Variants in BCL2 observed in about 807,000 individuals in gnomAD.
BCL2 encodes BCL2 apoptosis regulator.
In BCL2, 1 loss-of-function variant was observed where a neutral mutation model predicts 14.2. The ratio of observed to expected loss-of-function variants is 0.07; its 90% CI spans 0.02 to 0.33. The LOEUF is 0.33. BCL2 is among the 10% of genes least tolerant of loss of function. BCL2 has a pLI of 0.99. For synonymous variants in BCL2, 151 were observed against 137.2 expected (o/e 1.10, Z -0.70); for missense variants, 247 against 305.9 (o/e 0.81, Z 1.44).
At chr18:63,191,870 T>C (rs1173679394) in intron 2 of BCL2, among the ~76,000 whole-genome samples, 1 of 152,248 alleles carries the variant, frequency 6.6e-6, no homozygotes, top group Non-Finnish European at 1.5e-5. Context: ...GGCTGAAATA[T>C]GAAATTAAAA....
intron 2 of BCL2, among the ~76,000 whole-genome samples, chr18:63,292,406 T>C (rs1490553937): frequency 3.3e-5 from 5 of 152,120 alleles, no homozygotes; most frequent in South Asian, 4.1e-4. Flanking sequence ...TATGAAAGAA[T>C]GGCAATCTAA....
intron 2 of BCL2, among the ~76,000 whole-genome samples, chr18:63,247,182 C>T (rs1911173073): frequency 6.6e-6 from 1 of 150,840 alleles, no homozygotes; most frequent in Non-Finnish European, 1.5e-5. Context: ...ATTTTCTCAT[C>T]TTTGAAGATG....
chr18:63,293,209 A>G (rs1912703287), intron 2 of BCL2, among the ~76,000 whole-genome samples: 1 of 152,236 alleles, frequency 6.6e-6, no homozygotes, highest in African/African-American at 2.4e-5. Context: ...ATATGAAACC[A>G]AAATACTCCT....
At chr18:63,311,576 C>A (rs1259288555) in intron 2 of BCL2, among the ~76,000 whole-genome samples, 1 of 152,112 alleles carries the variant, frequency 6.6e-6, no homozygotes, top group Non-Finnish European at 1.5e-5. Flanking sequence ...TGGAGTCAGT[C>A]ATCAGTTTCT....
At position 63,186,666 on chromosome 18, in the gene BCL2, C is replaced by T. The variant is rs201755766; in HGVS notation, c.586-57907G>A. Among the ~76,000 whole-genome samples the T allele has an allele frequency of 4.6e-5, 7 of 152,284 alleles. No individual in the cohort carries two copies. The East Asian group carries it at 1.2e-3, about 25-fold the overall frequency. ...CGTGAATTTCCAAATTTGGTCTTCA[C>T]CTTTTCAGTTTTCATAGGCAAAAAA... is the stretch of plus-strand genomic sequence containing the variant. On this transcript the variant is annotated intron_variant, in intron 2 of 2. Transcript: ENST00000333681.
At chr18:63,215,102 T>C (rs72943076) in intron 2 of BCL2, among the ~76,000 whole-genome samples, 173 of 152,304 alleles carry the variant, frequency 1.1e-3, no homozygotes, top group Non-Finnish European at 2.3e-3. Context: ...ATATATATTA[T>C]TGTGATGGTC....
chr18:63,232,445 AC>A (rs574507501), intron 2 of BCL2, among the ~76,000 whole-genome samples: 51 of 152,268 alleles, frequency 3.3e-4, no homozygotes, highest in Middle Eastern at 6.8e-3. Flanking sequence ...GGAAAAAACA[AC>A]CCACTACAAA....
intron 2 of BCL2, among the ~76,000 whole-genome samples, chr18:63,185,892 T>G (rs999692334): frequency 6.6e-6 from 1 of 152,206 alleles, no homozygotes; most frequent in Admixed American, 6.5e-5. Flanking sequence ...CTTTTTCCAT[T>G]ACATATGCCA....
chr18:63,249,016 C>A (rs964957226), intron 2 of BCL2, among the ~76,000 whole-genome samples: 2 of 152,198 alleles, frequency 1.3e-5, no homozygotes, highest in Non-Finnish European at 2.9e-5. Flanking sequence ...AGAAATGCTT[C>A]CTACTATGAC....
intron 2 of BCL2, among the ~76,000 whole-genome samples, chr18:63,259,877 C>T (rs1018368402): frequency 1.1e-4 from 16 of 152,262 alleles, no homozygotes; most frequent in Admixed American, 1.0e-3. Context: ...GACCCTCATA[C>T]AGAAGAGAGT....
At chr18:63,227,981 A>T (rs1910593867) in intron 2 of BCL2, among the ~76,000 whole-genome samples, 1 of 152,202 alleles carries the variant, frequency 6.6e-6, no homozygotes, top group Admixed American at 6.5e-5. Context: ...GTAAGTCCAA[A>T]ATCAAGGTGC....
chr18:63,211,999 C>T (rs1445507562), intron 2 of BCL2, among the ~76,000 whole-genome samples: 1 of 152,224 alleles, frequency 6.6e-6, no homozygotes, highest in Non-Finnish European at 1.5e-5. Flanking sequence ...TAGCATATGA[C>T]ATTTTTAGTT....
At chr18:63,222,236 T>C (rs181586458) in intron 2 of BCL2, among the ~76,000 whole-genome samples, 1,385 of 135,982 alleles carry the variant, frequency 0.01, 13 homozygotes, top group Middle Eastern at 0.025. Flanking sequence ...ATCGCACCAC[T>C]GCACTCCAGC....
Position 63,294,100 on chromosome 18 carries a change from T to C in BCL2, c.585+23982A>G, listed in dbSNP as rs144908087. ...TTGTGATCACAGAGAATGCAATTAA[T>C]ACTTTGGCTGCCTTGGTATGTAGAC... On this transcript the variant is annotated intron_variant, in intron 2 of 2. Coordinates refer to ENST00000333681, the MANE Select transcript of BCL2 (RefSeq NM_000633.3). 2.0e-5 allele frequency among the ~76,000 whole-genome samples: 3 copies of C among 152,324 alleles called. No homozygotes were observed. The East Asian group carries it at 5.8e-4, about 29-fold the overall frequency.
intron 2 of BCL2, among the ~76,000 whole-genome samples, chr18:63,143,233 G>A (rs1443231343): frequency 1.3e-5 from 2 of 152,210 alleles, no homozygotes; most frequent in African/African-American, 4.8e-5. Flanking sequence ...GACCCAGAAA[G>A]ACAAAGAGAA....
intron 2 of BCL2, chr18:63,317,734 G>C (rs918699556): frequency 2.7e-6 from 3 of 1,130,174 alleles, no homozygotes; most frequent in Non-Finnish European, 3.3e-6. Flanking sequence ...GTTCCAACAA[G>C]CTGCTCAAGC....
chr18:63,125,203 A>AT lies in BCL2; in HGVS notation c.*3421_*3422insA, dbSNP rs1213375034. On this transcript the variant is annotated 3_prime_UTR_variant, in exon 3 of 3. Transcript: ENST00000333681. ...TACTAATAAAACAAAGATCACATAT[A>AT]AATGGAAGGCCACATCTGAACACAG... 1.8e-5 allele frequency: 4 copies of AT among 224,452 alleles called. No individual in the cohort carries two copies. Among genetic ancestry groups the AT allele is most frequent in the Non-Finnish European group, 3.6e-5 (4 of 112,576 alleles). 13.9% of individuals were successfully genotyped at this position (224,452 alleles called of 1,614,324 possible). A position where few individuals can be genotyped will look rare whatever the true frequency, so the allele number is the denominator to read the frequency against.
intron 2 of BCL2, among the ~76,000 whole-genome samples, chr18:63,209,212 G>A (rs1379931323): frequency 2.0e-5 from 3 of 152,164 alleles, no homozygotes; most frequent in African/African-American, 4.8e-5. Context: ...TCGGTAAATT[G>A]GTGCAAGTGT....
intron 2 of BCL2, among the ~76,000 whole-genome samples, chr18:63,305,365 C>T (rs1357071446): frequency 6.6e-6 from 1 of 152,150 alleles, no homozygotes; most frequent in Non-Finnish European, 1.5e-5. Context: ...GATTCCCAAC[C>T]CAGGGAATGA....
Sources: gnomAD v4.1 joint callset for allele counts (sites outside exome capture counted in the v4.1 genomes callset) on GRCh38, gnomAD v4.1.1 for gene constraint, MANE v1.5 for transcripts, NCBI Gene and HGNC (gene_info 2026-07-23, HGNC 2026-07-21) for gene names.